The following UPRT variants were observed in gnomAD, a reference collection of about 807,000 sequenced individuals.
UPRT encodes the protein uracil phosphoribosyltransferase homolog.
Under a neutral mutation model 22.6 loss-of-function variants are expected in UPRT, and 5 were observed. That is an observed-to-expected ratio of 0.22 (90% CI 0.12 to 0.47). UPRT has a LOEUF of 0.47. Among genes scored for constraint, UPRT ranks in the 20% least tolerant of loss-of-function variants. The probability of loss-of-function intolerance (pLI) is 0.99; values close to 1 mark genes in which losing one functional copy is unlikely to be tolerated. For synonymous variants in UPRT, 77 were observed against 87.7 expected (o/e 0.88, Z 0.68); for missense variants, 181 against 239.9 (o/e 0.75, Z 1.62).
At chrX:75,188,894 C>T (rs2082305086) in intron 4 of UPRT, among the ~76,000 whole-genome samples, 2 of 111,657 alleles carry the variant, frequency 1.8e-5, no homozygotes, top group African/African-American at 6.5e-5. Flanking sequence ...GCACGCGCAC[C>T]CACTGACCTG....
At chrX:75,204,914 TC>T (rs1259824995) in intron 4 of UPRT, among the ~76,000 whole-genome samples, 2 of 110,341 alleles carry the variant, frequency 1.8e-5, no homozygotes, top group Non-Finnish European at 3.8e-5. Context: ...ACTTAGAGTA[TC>T]CCACGGACAA....
intron 4 of UPRT, among the ~76,000 whole-genome samples, chrX:75,235,618 C>A: frequency 8.9e-6 from 1 of 111,800 alleles, no homozygotes. Context: ...TGGGCTTCAT[C>A]TCTGGGATGC....
chrX:75,252,454 C>G (rs1359220058), intron 4 of UPRT, among the ~76,000 whole-genome samples: 2 of 112,745 alleles, frequency 1.8e-5, no homozygotes, highest in East Asian at 5.6e-4. Context: ...CTCATCAACA[C>G]TGGCCATTGG....
At chrX:75,230,923 C>T (rs1206200108) in intron 4 of UPRT, among the ~76,000 whole-genome samples, 1 of 112,255 alleles carries the variant, frequency 8.9e-6, no homozygotes, top group African/African-American at 3.2e-5. Flanking sequence ...ATCAATGAAT[C>T]ACCCTATGGG....
intron 4 of UPRT, among the ~76,000 whole-genome samples, chrX:75,254,478 GA>G (rs2082542531): frequency 8.9e-6 from 1 of 111,855 alleles, no homozygotes; most frequent in South Asian, 3.7e-4. Context: ...ATGCAACAAA[GA>G]CAAAAAAATT....
At chrX:75,298,955 G>A (rs781438496) in intron 4 of UPRT, among the ~76,000 whole-genome samples, 42 of 112,440 alleles carry the variant, frequency 3.7e-4, no homozygotes, top group African/African-American at 1.3e-3. Context: ...CTTGTTTTAT[G>A]TTTACACTAG....
chrX:75,232,036 T>A (rs1401376234), intron 4 of UPRT, among the ~76,000 whole-genome samples: 1 of 111,563 alleles, frequency 9.0e-6, no homozygotes, highest in Non-Finnish European at 1.9e-5. Context: ...ACCGGGTTCA[T>A]CTCACTAGGG....
chrX:75,186,480 G>GA (rs1326706049), intron 4 of UPRT, among the ~76,000 whole-genome samples: 2 of 111,716 alleles, frequency 1.8e-5, no homozygotes, highest in South Asian at 3.8e-4. Flanking sequence ...GTGTGGTGCT[G>GA]AAAAAAATGT....
chrX:75,258,349 G>A (rs2082556311), intron 4 of UPRT, among the ~76,000 whole-genome samples: 1 of 109,877 alleles, frequency 9.1e-6, no homozygotes, highest in South Asian at 4.0e-4. Context: ...CCCCCATGGA[G>A]CCCAGCAAGC....
intron 4 of UPRT, among the ~76,000 whole-genome samples, chrX:75,185,559 T>G (rs1296282793): frequency 8.9e-6 from 1 of 112,285 alleles, no homozygotes; most frequent in African/African-American, 3.2e-5. Context: ...GAGGATTCCC[T>G]GTTTTTCTAT....
chrX:75,258,388 G>T (rs1192524636), intron 4 of UPRT, among the ~76,000 whole-genome samples: 6 of 109,916 alleles, frequency 5.5e-5, no homozygotes, highest in Non-Finnish European at 1.1e-4. Context: ...AATTCTCGCT[G>T]CCAGTACAGT....
chrX:75,255,926 A>G (rs973073585), intron 4 of UPRT, among the ~76,000 whole-genome samples: 1 of 111,930 alleles, frequency 8.9e-6, no homozygotes, highest in Non-Finnish European at 1.9e-5. Flanking sequence ...GGGGACTTCA[A>G]TACTCCACTG....
intron 4 of UPRT, among the ~76,000 whole-genome samples, chrX:75,208,014 A>G (rs28840194): frequency 0.032 from 3,536 of 111,472 alleles, 147 homozygotes; most frequent in African/African-American, 0.11. Flanking sequence ...ATGTGAGGCC[A>G]TGTAGAGCAG....
At chrX:75,206,672 A>ATT (rs367590742) in intron 4 of UPRT, among the ~76,000 whole-genome samples, 1 of 107,060 alleles carries the variant, frequency 9.3e-6, no homozygotes, top group African/African-American at 3.4e-5. Flanking sequence ...GGCAATAATG[A>ATT]TTTTTTTTTT....
intron 2 of UPRT, among the ~76,000 whole-genome samples, chrX:75,160,700 T>TA (rs2082196667): frequency 9.0e-6 from 1 of 111,043 alleles, no homozygotes; most frequent in Non-Finnish European, 1.9e-5. Flanking sequence ...GACATATATT[T>TA]AAAAAATTTT....
chrX:75,170,875 T>G (rs2147603550), intron 4 of UPRT, among the ~76,000 whole-genome samples: 1 of 111,870 alleles, frequency 8.9e-6, no homozygotes, highest in South Asian at 3.8e-4. Flanking sequence ...GCTGATAATT[T>G]ATTTAAGGAA....
chrX:75,263,350 G>C (rs2082575434), intron 4 of UPRT, among the ~76,000 whole-genome samples: 1 of 111,243 alleles, frequency 9.0e-6, no homozygotes, highest in Non-Finnish European at 1.9e-5. Context: ...ATCTGGCCCT[G>C]TACTTTTTTT....
intron 4 of UPRT, among the ~76,000 whole-genome samples, chrX:75,213,489 C>T (rs2082384966): frequency 1.8e-5 from 2 of 111,835 alleles, no homozygotes; most frequent in South Asian, 3.7e-4. Context: ...CAAATAATCA[C>T]TTTAAATGTT....
At chrX:75,168,527 T>C (rs2082218507) in intron 4 of UPRT, among the ~76,000 whole-genome samples, 1 of 111,760 alleles carries the variant, frequency 8.9e-6, no homozygotes, top group African/African-American at 3.3e-5. Context: ...TAAGTTCTTT[T>C]TTTTCTTTCC....
Sources: allele counts gnomAD v4.1 joint callset (sites outside exome capture counted in the v4.1 genomes callset), GRCh38; gene constraint gnomAD v4.1.1; transcripts MANE v1.5; gene names NCBI Gene and HGNC (gene_info 2026-07-23, HGNC 2026-07-21).